The following MYH14 variants were observed in gnomAD, a reference collection of about 807,000 sequenced individuals.
MYH14 encodes myosin-14.
Under a neutral mutation model 255.5 loss-of-function variants are expected in MYH14, and 123 were observed. The ratio of observed to expected loss-of-function variants is 0.48; its 90% CI spans 0.42 to 0.56. The LOEUF is 0.56. MYH14 is among the 20% of genes least tolerant of loss of function. The pLI is 0.00. For synonymous variants in MYH14, 1,095 were observed against 1,161.2 expected (o/e 0.94, Z 1.16); for missense variants, 2,423 against 2,802.3 (o/e 0.86, Z 3.06).
At chr19:50,298,401 T>TAC (rs72014853) in intron 39 of MYH14, among the ~76,000 whole-genome samples, 99,075 of 149,108 alleles carry the variant, frequency 0.66, 34,884 homozygotes, top group East Asian at 0.98. Context: ...CACACACACA[T>TAC]ACACACACAC....
intron 2 of MYH14, among the ~76,000 whole-genome samples, chr19:50,216,483 G>A (rs181199933): frequency 9.9e-5 from 15 of 152,072 alleles, no homozygotes; most frequent in Admixed American, 2.0e-4. Flanking sequence ...ACACACTTGT[G>A]ATCCCAGCTA....
chr19:50,235,138 G>T (rs1464387314), intron 10 of MYH14, among the ~76,000 whole-genome samples: 2 of 151,862 alleles, frequency 1.3e-5, no homozygotes, highest in African/African-American at 4.8e-5. Flanking sequence ...TTGGGAGGCC[G>T]ACTGAGGTCA....
chr19:50,294,434 ATT>A (rs35542007), intron 39 of MYH14, among the ~76,000 whole-genome samples: 73,758 of 134,378 alleles, frequency 0.55, 21,552 homozygotes, highest in East Asian at 0.74. Context: ...TTTTTTTCTA[ATT>A]TTTTTTTTTT....
In MYH14 at chr19:50,292,309, C is replaced by T. The variant is rs372062358; in HGVS notation, c.5176C>T (p.Arg1726Trp). Reference protein sequence around the residue: ...WREVEETRTSREEIFSQNRES... With the variant: ...WREVEETRTSWEEIFSQNRES... Reference sequence around the variant, plus strand: ...GGAGGTGGAGGAGACACGCACCTCCCGGGAGGAGATCTTCTCCCAGAATCG... The same window carrying T: ...GGAGGTGGAGGAGACACGCACCTCCTGGGAGGAGATCTTCTCCCAGAATCG... Residue 1726 changes from arginine (R) to tryptophan (W), a missense_variant, in exon 37 of 43, where the codon CGG (arginine) becomes TGG (tryptophan). Physicochemically the swap from Arg to Trp is moderately radical, Grantham distance 101 (BLOSUM62 -3). Transcript: ENST00000642316. 36 of 1,598,370 alleles carry T rather than the reference C, an allele frequency of 2.3e-5. No individual in the cohort carries two copies. The highest frequency in any genetic ancestry group is 2.0e-4 in the East Asian group (9 of 44,208).
At chr19:50,296,061 A>T (rs1285477313) in intron 39 of MYH14, among the ~76,000 whole-genome samples, 1 of 151,742 alleles carries the variant, frequency 6.6e-6, no homozygotes, top group Admixed American at 6.6e-5. Flanking sequence ...GTGATCTGAG[A>T]TCGTGCCACT....
At position 50,210,456 on chromosome 19, in the gene MYH14, C is replaced by T. The variant is rs590722; in HGVS notation, c.91C>T (p.Pro31Ser). The T allele has an allele frequency of 6.5e-7, 1 of 1,547,110 alleles. No individual in the cohort carries two copies. Among genetic ancestry groups the T allele is most frequent in the Non-Finnish European group, 8.7e-7 (1 of 1,146,770 alleles). The part of the protein sequence containing the change: ...PEAAQPFLFT[P>S]RGPSAGGGPG... ...GGCGGCCCAGCCGTTCCTGTTCACG[C>T]CCCGCGGGCCCAGCGCGGGTGGCGG... is the stretch of plus-strand genomic sequence containing the variant. The change falls in exon 2 of 43, where the codon CCC becomes TCC. Residue 31 changes from proline to serine, a missense_variant. Coordinates refer to ENST00000642316, the MANE Select transcript of MYH14 (RefSeq NM_001145809.2).
rs1424954095 is a variant in MYH14 at position 50,270,444 on chromosome 19, C to G, written c.3034-965C>G. The stretch of plus-strand genomic sequence containing the variant: ...CTGAGGCAGGAAAGTCACTTGAACC[C>G]CGGGAGGTGGAGATTGCAGTGAGCC... On this transcript the variant is annotated intron_variant, in intron 24 of 42. Transcript: ENST00000642316. Among the ~76,000 whole-genome samples the G allele has an allele frequency of 4.6e-5, 7 of 150,730 alleles. No homozygotes were observed. The East Asian group carries it at 1.2e-3, about 26-fold the overall frequency.
intron 10 of MYH14, among the ~76,000 whole-genome samples, chr19:50,238,234 G>A (rs569988481): frequency 6.6e-6 from 1 of 152,306 alleles, no homozygotes; most frequent in East Asian, 1.9e-4. Context: ...AGCAACAAGA[G>A]CTGACTGCCA....
chr19:50,296,673 C>A (rs1601053125), intron 39 of MYH14, among the ~76,000 whole-genome samples: 1 of 152,176 alleles, frequency 6.6e-6, no homozygotes, highest in Admixed American at 6.5e-5. Flanking sequence ...GATTCCAGAT[C>A]TGGAGCAGGC....
Position 50,293,670 on chromosome 19 carries a change from C to A in MYH14, c.5452C>A (p.Arg1818Ser). Residue 1818 changes from arginine to serine, a missense_variant, in exon 39 of 43, where the codon CGC (arginine) becomes AGC (serine). Arg to Ser is a moderately radical substitution (Grantham distance 110). Transcript: ENST00000642316. This position sits in a 1 kb window ranked among gnomAD's most constrained non-coding sequence, Gnocchi z 4.1. ...CTCGGAGCTGCTCAATGACCGCTACCGCAAGCTGCTCCTGCAGGTGAGCGT... is the reference window on the plus strand; with the variant it reads ...CTCGGAGCTGCTCAATGACCGCTACAGCAAGCTGCTCCTGCAGGTGAGCGT... ...SNSELLNDRY[R>S]KLLLQVESLT... is the part of the protein sequence containing the mutation. 3 of 1,587,972 alleles carry A rather than the reference C, an allele frequency of 1.9e-6. No individual in the cohort carries two copies. Among genetic ancestry groups the A allele is most frequent in the Non-Finnish European group, 2.6e-6 (3 of 1,165,802 alleles).
chr19:50,288,043 G>T (rs1254464053), intron 34 of MYH14, among the ~76,000 whole-genome samples: 1 of 152,042 alleles, frequency 6.6e-6, no homozygotes, highest in Non-Finnish European at 1.5e-5. Flanking sequence ...AAGGCTTCTC[G>T]CAGGCTCCCC....
In MYH14 at chr19:50,272,566, T is replaced by C. The variant is rs1426900049; in HGVS notation, c.3302T>C (p.Leu1101Pro). The C allele has an allele frequency of 6.4e-7, 1 of 1,571,122 alleles. No homozygotes were observed. The highest frequency in any genetic ancestry group is 1.9e-5 in the Admixed American group (1 of 52,930). ...CCCCCACCCCTGCCTCCAGACCGCC[T>C]ACGGAAGGAGGAGAAGGGTCGCCAG... ...EATIADMEDR[L>P]RKEEKGRQEL... Residue 1101 changes from leucine to proline, a missense_variant, in exon 27 of 43, where the codon CTA becomes CCA. By Grantham distance (98) the Leu-to-Pro change is moderately conservative (BLOSUM62 -3). This residue lies in a region of MYH14 where 1,513 missense variants were observed against 1,674.8 expected (regional missense o/e 0.90). Coordinates refer to ENST00000642316, the MANE Select transcript of MYH14 (RefSeq NM_001145809.2).
At position 50,276,276 on chromosome 19, in the gene MYH14, T is replaced by C; in HGVS notation, c.3680+73T>C. ...CTGGGGGAAGGACTTAGGTACAAAG[T>C]CTCTGTCTATACAGAGGCTTACTTA... On this transcript the variant is annotated intron_variant, in intron 28 of 42. Coordinates refer to ENST00000642316, the MANE Select transcript of MYH14 (RefSeq NM_001145809.2). This position sits in a 1 kb window ranked among gnomAD's most constrained non-coding sequence, Gnocchi z 4.3. 7.8e-6 allele frequency: 9 copies of C among 1,153,424 alleles called. No individual in the cohort carries two copies. The highest frequency in any genetic ancestry group is 1.1e-5 in the Non-Finnish European group (9 of 830,928). 71.4% of individuals were successfully genotyped at this position (1,153,424 alleles called of 1,614,324 possible). A position where few individuals can be genotyped will look rare whatever the true frequency, so the allele number is the denominator to read the frequency against.
intron 29 of MYH14, among the ~76,000 whole-genome samples, chr19:50,277,128 T>C (rs1250877162): frequency 6.6e-6 from 1 of 152,184 alleles, no homozygotes; most frequent in African/African-American, 2.4e-5. Context: ...AGCACTGCCT[T>C]CCCTTGTGGA....
chr19:50,292,388 A>G lies in MYH14; in HGVS notation c.5255A>G (p.Glu1752Gly), dbSNP rs1209720381. Residue 1752 changes from glutamate (E) to glycine (G), a missense_variant and splice_region_variant, in exon 37 of 43, where the codon GAG (glutamate) becomes GGG (glycine). Physicochemically the swap from Glu to Gly is moderately conservative, Grantham distance 98. Around this residue, in one of 3 missense-constraint regions of MYH14, gnomAD observed 1,513 missense variants for 1,674.8 expected, o/e 0.90. Transcript: ENST00000642316. ...GLEAEVLRLQ[E>G]ELAASDRARR... is the part of the protein sequence containing the mutation. ...GAGGCTGAGGTGCTGCGGCTGCAGG[A>G]GGTGAGGCTGGGGTAGGCTGGGCCC... The G allele has an allele frequency of 6.3e-7, 1 of 1,575,580 alleles. No homozygotes were observed. Among genetic ancestry groups the G allele is most frequent in the Middle Eastern group, 1.7e-4 (1 of 5,910 alleles).
chr19:50,293,569 C>A lies in MYH14; in HGVS notation c.5351C>A (p.Ala1784Asp), dbSNP rs1446235759. 1.2e-5 allele frequency: 20 copies of A among 1,612,688 alleles called. No individual in the cohort carries two copies. The highest frequency in any genetic ancestry group is 1.7e-5 in the Non-Finnish European group (20 of 1,179,416). ...EVANGNLSKA[A>D]ILEEKRQLEG... ...ACGCCTTCCTGTCTCCCTAGGGCAGCCATTCTGGAGGAGAAGCGTCAGCTG... is the reference window on the plus strand; with the variant it reads ...ACGCCTTCCTGTCTCCCTAGGGCAGACATTCTGGAGGAGAAGCGTCAGCTG... Residue 1784 changes from alanine to aspartate, a missense_variant, in exon 39 of 43, where the codon GCC becomes GAC. Physicochemically the swap from Ala to Asp is moderately radical, Grantham distance 126. Transcript: ENST00000642316. This position sits in a 1 kb window ranked among gnomAD's most constrained non-coding sequence, Gnocchi z 4.1.
rs1019361734 is a variant in MYH14 at position 50,230,717 on chromosome 19, G to T, written c.973+94G>T. 3 of 1,046,958 alleles carry T rather than the reference G, an allele frequency of 2.9e-6. No individual in the cohort carries two copies. The highest frequency in any genetic ancestry group is 4.2e-6 in the Non-Finnish European group (3 of 708,792). 64.9% of individuals were successfully genotyped at this position (1,046,958 alleles called of 1,614,324 possible). ...TCTGGGGAGGAAGCAAGAGTGGGGG[G>T]CTCTAATATCCGTCAAACACCGACT... On this transcript the variant is annotated intron_variant, in intron 9 of 42. Coordinates refer to ENST00000642316, the MANE Select transcript of MYH14 (RefSeq NM_001145809.2). The surrounding 1 kb of genome is among the most constrained non-coding windows in gnomAD (Gnocchi z 4.7).
chr19:50,288,119 T>G (rs1187015215), intron 34 of MYH14, among the ~76,000 whole-genome samples: 1 of 152,210 alleles, frequency 6.6e-6, no homozygotes, highest in African/African-American at 2.4e-5. Context: ...CACTCCATCC[T>G]TCCTTCATTC....
At chr19:50,255,432 C>G (rs2034558684) in intron 17 of MYH14, 114 bp downstream of exon 17, 4 of 768,786 alleles carry the variant, frequency 5.2e-6, no homozygotes, top group Non-Finnish European at 8.8e-6. Context: ...GTGGAGGTCT[C>G]TCACTCTTCC....
Sources: allele counts gnomAD v4.1 joint callset (sites outside exome capture counted in the v4.1 genomes callset), GRCh38; gene constraint gnomAD v4.1.1; regional missense constraint gnomAD v4.1.1; non-coding constraint Gnocchi (gnomAD v3.1); transcripts MANE v1.5; gene names NCBI Gene and HGNC (gene_info 2026-07-23, HGNC 2026-07-21).